Variants in WWOX observed in about 807,000 individuals in gnomAD.
The protein encoded by WWOX is WW domain containing oxidoreductase, also known as WW domain-containing oxidoreductase.
A neutral mutation model predicts 46.2 loss-of-function variants in WWOX; 69 were observed. The observed-to-expected ratio is 1.49, with a 90% CI of 1.23 to 1.82. The LOEUF (loss-of-function observed/expected upper bound fraction) is 1.82, where lower values mean the gene tolerates loss of function less well. Ranked by LOEUF, WWOX falls within the 40% of genes most tolerant of loss-of-function variation. The probability of loss-of-function intolerance (pLI) is 0.00; values close to 1 mark genes in which losing one functional copy is unlikely to be tolerated. For missense variants in WWOX, 919 were observed against 542.6 expected (o/e 1.69, Z -6.89); for synonymous variants, 359 against 202.6 (o/e 1.77, Z -6.56).
intron 8 of WWOX, among the ~76,000 whole-genome samples, chr16:78,686,421 G>C (rs1007536774): frequency 6.6e-6 from 1 of 152,006 alleles, no homozygotes; most frequent in Non-Finnish European, 1.5e-5. Context: ...CGAGGCAGGA[G>C]AATGGTGTCA....
chr16:78,290,289 C>G (rs1025612379), intron 5 of WWOX, among the ~76,000 whole-genome samples: 3 of 149,518 alleles, frequency 2.0e-5, no homozygotes, highest in Admixed American at 6.7e-5. Context: ...TTCCCCCCCC[C>G]ACCCCCCATC....
intron 8 of WWOX, among the ~76,000 whole-genome samples, chr16:78,934,771 A>G (rs950316245): frequency 2.0e-5 from 3 of 152,076 alleles, no homozygotes; most frequent in East Asian, 1.9e-4. Context: ...TTCCTGAGAG[A>G]TTTAAATGCA....
At chr16:78,363,680 G>A (rs2081465137) in intron 5 of WWOX, among the ~76,000 whole-genome samples, 1 of 152,088 alleles carries the variant, frequency 6.6e-6, no homozygotes, top group Admixed American at 6.6e-5. Flanking sequence ...CACCATTCAG[G>A]TTCTTCTATT....
chr16:78,793,501 A>G (rs1312804433), intron 8 of WWOX, among the ~76,000 whole-genome samples: 1 of 152,152 alleles, frequency 6.6e-6, no homozygotes, highest in African/African-American at 2.4e-5. Flanking sequence ...ATATGGCTTC[A>G]TTTTTTAAAT....
At chr16:78,269,380 T>C (rs542613712) in intron 5 of WWOX, among the ~76,000 whole-genome samples, 3 of 152,280 alleles carry the variant, frequency 2.0e-5, no homozygotes, top group Non-Finnish European at 4.4e-5. Context: ...CTGGTTCCCA[T>C]GTTAGTCCCT....
chr16:79,125,997 C>G (rs1000076896), intron 8 of WWOX, among the ~76,000 whole-genome samples: 3 of 152,186 alleles, frequency 2.0e-5, no homozygotes, highest in Admixed American at 6.5e-5. Context: ...TACATACATA[C>G]AGTAGGTGCT....
chr16:78,586,101 A>G lies in WWOX; in HGVS notation c.1056+153349A>G, dbSNP rs146560996. 2.8e-4 allele frequency among the ~76,000 whole-genome samples: 42 copies of G among 152,284 alleles called. No homozygotes were observed. The East Asian group carries it at 8.1e-3, about 29-fold the overall frequency. Reference sequence around the variant, plus strand: ...GCCAGGTGTGATGGCTTATACCTGTAATCCCAACACTTTGGGAGGCTGAGG... The same window carrying G: ...GCCAGGTGTGATGGCTTATACCTGTGATCCCAACACTTTGGGAGGCTGAGG... On this transcript the variant is annotated intron_variant, in intron 8 of 8. Coordinates refer to ENST00000566780, the MANE Select transcript of WWOX (RefSeq NM_016373.4).
intron 5 of WWOX, among the ~76,000 whole-genome samples, chr16:78,180,320 G>C (rs1448475731): frequency 1.3e-5 from 2 of 152,160 alleles, no homozygotes; most frequent in African/African-American, 2.4e-5. Flanking sequence ...AGAATGAACA[G>C]CTTAAAAGGC....
chr16:78,887,077 G>GGTGTGTGT lies in WWOX; in HGVS notation c.1057-324480_1057-324473dup, dbSNP rs749992495. Among the ~76,000 whole-genome samples, 376 of 61,296 alleles carry GGTGTGTGT rather than the reference G, an allele frequency of 6.1e-3. 7 individuals carry two copies. Among genetic ancestry groups the GGTGTGTGT allele is most frequent in the African/African-American group, 0.016 (342 of 21,826 alleles). The allele number at this position is 61,296 out of a possible 152,430, so 40.2% of individuals were successfully genotyped here. A position where few individuals can be genotyped will look rare whatever the true frequency, so the allele number is the denominator to read the frequency against. On this transcript the variant is annotated intron_variant, in intron 8 of 8. Coordinates refer to ENST00000566780, the MANE Select transcript of WWOX (RefSeq NM_016373.4). The stretch of plus-strand genomic sequence containing the variant: ...AGTCTGGCTATATGTGTGTGTGTGT[G>GGTGTGTGT]GTGTGTGTGTGTGTGTGTGTGTGTG...
intron 8 of WWOX, among the ~76,000 whole-genome samples, chr16:78,522,299 A>C (rs1327800458): frequency 6.6e-6 from 1 of 152,134 alleles, no homozygotes; most frequent in Non-Finnish European, 1.5e-5. Context: ...TCAAGACACC[A>C]TTTTGCTTAA....
At chr16:78,947,940 T>C (rs982993750) in intron 8 of WWOX, among the ~76,000 whole-genome samples, 4 of 152,172 alleles carry the variant, frequency 2.6e-5, no homozygotes, top group Admixed American at 1.3e-4. Context: ...AAAACACCAG[T>C]AATTAAATCA....
Position 78,813,563 on chromosome 16 carries a change from G to A in WWOX, c.1056+380811G>A, listed in dbSNP as rs115371086. 2.1e-3 allele frequency among the ~76,000 whole-genome samples: 323 copies of A among 152,146 alleles called. 1 individual carries two copies. The highest frequency in any genetic ancestry group is 7.4e-3 in the African/African-American group (307 of 41,512). ...CTGGCTTTGATGTATGTATATGTGGGCAGGAATGTGTGTGCGTGTGTGTGT... is the reference window on the plus strand; with the variant it reads ...CTGGCTTTGATGTATGTATATGTGGACAGGAATGTGTGTGCGTGTGTGTGT... On this transcript the variant is annotated intron_variant, in intron 8 of 8. Coordinates refer to ENST00000566780, the MANE Select transcript of WWOX (RefSeq NM_016373.4).
intron 5 of WWOX, among the ~76,000 whole-genome samples, chr16:78,278,897 G>A (rs912534674): frequency 6.6e-6 from 1 of 152,128 alleles, no homozygotes. Context: ...GTTTGTGTGT[G>A]CGTGTACGTG....
chr16:78,612,162 G>A (rs747743389), intron 8 of WWOX, among the ~76,000 whole-genome samples: 3 of 152,232 alleles, frequency 2.0e-5, no homozygotes, highest in Non-Finnish European at 2.9e-5. Flanking sequence ...AGCACAGTGA[G>A]GAGGTATTCT....
chr16:79,013,380 C>G (rs753534036), intron 8 of WWOX, among the ~76,000 whole-genome samples: 2 of 152,210 alleles, frequency 1.3e-5, no homozygotes, highest in Non-Finnish European at 2.9e-5. Flanking sequence ...GCCCCGATCC[C>G]TATCTTGTCT....
chr16:78,492,927 C>G (rs1365388918), intron 8 of WWOX, among the ~76,000 whole-genome samples: 1 of 152,154 alleles, frequency 6.6e-6, no homozygotes. Context: ...ACAGACATCA[C>G]TAATCAATCA....
At chr16:78,147,187 G>A (rs2151715373) in intron 4 of WWOX, among the ~76,000 whole-genome samples, 1 of 152,008 alleles carries the variant, frequency 6.6e-6, no homozygotes, top group East Asian at 1.9e-4. Flanking sequence ...TTTTAAAAAA[G>A]CAACTACAAG....
At chr16:78,787,374 A>G (rs1046064317) in intron 8 of WWOX, among the ~76,000 whole-genome samples, 3 of 151,976 alleles carry the variant, frequency 2.0e-5, no homozygotes, top group East Asian at 1.9e-4. Flanking sequence ...TTGTGTCTCT[A>G]TAGATTTGAC....
At chr16:78,847,403 G>C (rs751508494) in intron 8 of WWOX, among the ~76,000 whole-genome samples, 10 of 152,008 alleles carry the variant, frequency 6.6e-5, no homozygotes, top group Non-Finnish European at 1.3e-4. Context: ...TAACATATCA[G>C]TATCTATTAT....
Sources: allele counts gnomAD v4.1 joint callset (sites outside exome capture counted in the v4.1 genomes callset), GRCh38; gene constraint gnomAD v4.1.1; transcripts MANE v1.5; gene names NCBI Gene and HGNC (gene_info 2026-07-23, HGNC 2026-07-21).